AREL1: variants seen among roughly 807,000 people sequenced by gnomAD.
AREL1 encodes apoptosis-resistant E3 ubiquitin protein ligase 1.
AREL1 carries 62 observed loss-of-function variants against 99.0 expected under a neutral mutation model. The observed-to-expected ratio is 0.63, with a 90% CI of 0.51 to 0.77. The LOEUF is 0.77. AREL1 is among the 30% of genes least tolerant of loss of function. AREL1 has a pLI of 0.00. For synonymous variants in AREL1, 380 were observed against 376.5 expected (o/e 1.01, Z -0.11); for missense variants, 879 against 1,027.6 (o/e 0.86, Z 1.98).
In AREL1 at chr14:74,676,704, A is replaced by C. The variant is rs2089487513; in HGVS notation, c.530T>G (p.Leu177Arg). ...KTKIVCHFSTLVLTCGQPHTL... is the reference protein window; with the variant it reads ...KTKIVCHFSTRVLTCGQPHTL... ...GTGCGGCTGCCCACAGGTCAATACAAGAGTAGAAAAGTGGCACACAATTTT... is the reference window on the plus strand; with the variant it reads ...GTGCGGCTGCCCACAGGTCAATACACGAGTAGAAAAGTGGCACACAATTTT... Residue 177 changes from leucine to arginine, a missense_variant, in exon 6 of 20, where the codon CTT (leucine) becomes CGT (arginine). Leu to Arg is a moderately radical substitution (Grantham distance 102). Transcript: ENST00000356357. The C allele has an allele frequency of 6.2e-7, 1 of 1,612,768 alleles. No individual in the cohort carries two copies. The highest frequency in any genetic ancestry group is 1.1e-5 in the South Asian group (1 of 90,838).
At chr14:74,705,484 CCT>C (rs373204125) in intron 1 of AREL1, among the ~76,000 whole-genome samples, 30 of 152,286 alleles carry the variant, frequency 2.0e-4, no homozygotes, top group African/African-American at 6.5e-4. Flanking sequence ...CCTCTGCACC[CCT>C]GATACTGGTT....
chr14:74,708,168 G>A (rs1167914230), intron 1 of AREL1, among the ~76,000 whole-genome samples: 19 of 151,990 alleles, frequency 1.3e-4, no homozygotes, highest in Admixed American at 9.2e-4. Context: ...AGGAGACACC[G>A]GTGAAAGGTA....
chr14:74,673,948 A>G (rs950088219), intron 9 of AREL1, 86 bp downstream of exon 9: 3 of 1,193,770 alleles, frequency 2.5e-6, no homozygotes, highest in African/African-American at 1.5e-5. Context: ...AGAAACACTA[A>G]AAGTGCTTCT....
chr14:74,702,389 G>T (rs1392769344), intron 1 of AREL1, among the ~76,000 whole-genome samples: 2 of 152,208 alleles, frequency 1.3e-5, no homozygotes, highest in East Asian at 3.8e-4. Flanking sequence ...CGTGTAAGCT[G>T]CCAAGGCTTG....
intron 13 of AREL1, 67 bp downstream of exon 13, chr14:74,670,695 T>C: frequency 7.2e-7 from 1 of 1,393,802 alleles, no homozygotes; most frequent in Admixed American, 1.8e-5. Context: ...TTTCATAATT[T>C]TGAATCCTTG....
chr14:74,676,118 A>C (rs1205164397), intron 7 of AREL1, 23 bp downstream of exon 7: 1 of 1,606,758 alleles, frequency 6.2e-7, no homozygotes, highest in African/African-American at 1.3e-5. Flanking sequence ...ACAGCACTAA[A>C]TCATACTTTT....
chr14:74,707,780 T>C (rs2090210613), intron 1 of AREL1, among the ~76,000 whole-genome samples: 3 of 116,116 alleles, frequency 2.6e-5, no homozygotes, highest in Non-Finnish European at 5.2e-5. Flanking sequence ...GGCGACAGAG[T>C]GAGATTCGTC....
At chr14:74,696,140 T>C (rs2089975267) in intron 1 of AREL1, among the ~76,000 whole-genome samples, 2 of 152,194 alleles carry the variant, frequency 1.3e-5, no homozygotes, top group African/African-American at 2.4e-5. Flanking sequence ...AACTTTACTA[T>C]CTGATGCTTT....
intron 3 of AREL1, among the ~76,000 whole-genome samples, 168 bp downstream of exon 3, chr14:74,685,432 T>C (rs2089726975): frequency 6.6e-6 from 1 of 152,196 alleles, no homozygotes; most frequent in Non-Finnish European, 1.5e-5. Flanking sequence ...AATTGCTCAA[T>C]AAACCCAAAT....
chr14:74,697,757 G>A (rs1456800784), intron 1 of AREL1, among the ~76,000 whole-genome samples: 1 of 152,108 alleles, frequency 6.6e-6, no homozygotes, highest in Non-Finnish European at 1.5e-5. Context: ...GCCTTCCAGG[G>A]ACAGCCTCAT....
chr14:74,669,347 C>G (rs2089278830), intron 15 of AREL1, among the ~76,000 whole-genome samples: 1 of 152,110 alleles, frequency 6.6e-6, no homozygotes, highest in South Asian at 2.1e-4. Flanking sequence ...GGAAGCAGGA[C>G]TCGGTGGGAT....
At chr14:74,669,095 A>G (rs902848899) in intron 15 of AREL1, among the ~76,000 whole-genome samples, 19 of 152,142 alleles carry the variant, frequency 1.2e-4, no homozygotes, top group Admixed American at 8.5e-4. Flanking sequence ...GGTCTTGCCA[A>G]AGTTGCCCAG....
chr14:74,676,751 TC>T lies in AREL1; in HGVS notation c.482del (p.Gly161GlufsTer19), dbSNP rs1566685688. ...YSPYYKIFQP[G>X]MVVPSKTKIV... ...TTTTGGTCTTAGAAGGAACCACCAT[TC>T]CTGGAACAAAGACAATGGAATCTAA... On this transcript the variant is annotated frameshift_variant and splice_region_variant, in exon 6 of 20. Transcript: ENST00000356357. LOFTEE classifies it high-confidence loss of function. The T allele has an allele frequency of 6.3e-7, 1 of 1,586,242 alleles. No individual in the cohort carries two copies. Among genetic ancestry groups the T allele is most frequent in the Non-Finnish European group, 8.6e-7 (1 of 1,168,430 alleles).
intron 4 of AREL1, among the ~76,000 whole-genome samples, 195 bp from the exon 5 acceptor site, chr14:74,683,728 T>C (rs149067099): frequency 2.8e-4 from 42 of 152,138 alleles, no homozygotes; most frequent in African/African-American, 9.4e-4. Flanking sequence ...AGAAAACCAT[T>C]AAGTCATGAG....
intron 9 of AREL1, 89 bp from the exon 10 acceptor site, chr14:74,673,307 A>C: frequency 7.5e-7 from 1 of 1,341,292 alleles, no homozygotes. Context: ...CCAACCAACA[A>C]CAATAAGTTA....
intron 1 of AREL1, among the ~76,000 whole-genome samples, chr14:74,694,424 GT>G (rs1392861878): frequency 4.6e-5 from 7 of 152,082 alleles, no homozygotes; most frequent in Non-Finnish European, 1.0e-4. Flanking sequence ...GAACAAAACT[GT>G]TTATGTAGCA....
chr14:74,686,696 C>T (rs1350561159), intron 2 of AREL1, among the ~76,000 whole-genome samples: 1 of 152,104 alleles, frequency 6.6e-6, no homozygotes, highest in Non-Finnish European at 1.5e-5. Context: ...TCTGATTGTG[C>T]TTGCTTAGTT....
chr14:74,679,448 A>G (rs1254530649), intron 5 of AREL1, among the ~76,000 whole-genome samples: 1 of 152,166 alleles, frequency 6.6e-6, no homozygotes, highest in African/African-American at 2.4e-5. Context: ...AAAGCTACAG[A>G]TGGGGAGAAA....
At position 74,662,332 on chromosome 14, in the gene AREL1, GT is replaced by G. The variant is rs1381702471; in HGVS notation, c.*1387del. On this transcript the variant is annotated 3_prime_UTR_variant, in exon 20 of 20. Coordinates refer to ENST00000356357, the MANE Select transcript of AREL1 (RefSeq NM_001039479.2). ...GTTTCAGGACTCTGTGTACTTGCTG[GT>G]TTTGGCAATAAAGATGGCTTGTAAT... is the stretch of plus-strand genomic sequence containing the variant. 4 of 363,064 alleles carry G rather than the reference GT, an allele frequency of 1.1e-5. No individual in the cohort carries two copies. The highest frequency in any genetic ancestry group is 2.0e-5 in the Non-Finnish European group (4 of 203,744). 22.5% of individuals were successfully genotyped at this position (363,064 alleles called of 1,614,324 possible).
Sources: allele counts gnomAD v4.1 joint callset (sites outside exome capture counted in the v4.1 genomes callset), GRCh38; gene constraint gnomAD v4.1.1; transcripts MANE v1.5; gene names NCBI Gene and HGNC (gene_info 2026-07-23, HGNC 2026-07-21).